The following AMBRA1 variants were observed in gnomAD, a reference collection of about 807,000 sequenced individuals.
AMBRA1 encodes autophagy and beclin 1 regulator 1.
Under a neutral mutation model 125.4 loss-of-function variants are expected in AMBRA1, and 47 were observed. The observed-to-expected ratio is 0.37, with a 90% CI of 0.30 to 0.48. The LOEUF (loss-of-function observed/expected upper bound fraction) is 0.48. Ranked by LOEUF, AMBRA1 falls within the 20% of genes least tolerant of loss-of-function variation. AMBRA1 has a pLI of 0.99. For synonymous variants in AMBRA1, 626 were observed against 655.5 expected, an observed-to-expected ratio of 0.95 and a Z score of 0.69; for missense variants, 1,331 against 1,693.4, an observed-to-expected ratio of 0.79 and a Z score of 3.76.
intron 14 of AMBRA1, among the ~76,000 whole-genome samples, chr11:46,419,023 A>C (rs1946714752): frequency 6.6e-6 from 1 of 152,176 alleles, no homozygotes. Flanking sequence ...ATCAGAGAAC[A>C]TTCTTAATTC....
chr11:46,514,488 C>T (rs1951394172), intron 7 of AMBRA1, among the ~76,000 whole-genome samples: 1 of 152,230 alleles, frequency 6.6e-6, no homozygotes, highest in Non-Finnish European at 1.5e-5. Context: ...AAATACATCT[C>T]TCTGGTTGAA....
Position 46,433,645 on chromosome 11 carries a change from CAG to C in AMBRA1, c.2822-19_2822-18del. 1.2e-6 allele frequency: 2 copies of C among 1,608,138 alleles called. No individual in the cohort carries two copies. Among genetic ancestry groups the C allele is most frequent in the Non-Finnish European group, 1.7e-6 (2 of 1,175,312 alleles). ...CATTGGGACCTGAGGGCCAACAAAA[CAG>C]AGAAATATTTCCTAGGCTTCTGGCC... On this transcript the variant is annotated intron_variant, in intron 13 of 17. Transcript: ENST00000683756.
intron 13 of AMBRA1, 55 bp downstream of exon 13, chr11:46,434,794 C>T (rs2291487): frequency 0.16 from 236,951 of 1,514,520 alleles, 19,428 homozygotes; most frequent in Middle Eastern, 0.19. Flanking sequence ...CTAGCAATGA[C>T]CATGCCAAGG....
At chr11:46,445,118 T>A (rs970983714) in intron 11 of AMBRA1, among the ~76,000 whole-genome samples, 1 of 150,808 alleles carries the variant, frequency 6.6e-6, no homozygotes, top group Admixed American at 6.6e-5. Flanking sequence ...TTTGTTCCCC[T>A]CCAAAGCATC....
chr11:46,492,241 C>G (rs547193849), intron 11 of AMBRA1, among the ~76,000 whole-genome samples: 7 of 152,296 alleles, frequency 4.6e-5, no homozygotes, highest in African/African-American at 1.7e-4. Flanking sequence ...TGGTGTCTGA[C>G]AGAGAAACCA....
intron 7 of AMBRA1, among the ~76,000 whole-genome samples, chr11:46,535,542 T>G: frequency 6.6e-6 from 1 of 152,198 alleles, no homozygotes; most frequent in East Asian, 1.9e-4. Context: ...GGAAAGAACC[T>G]TCGCATTTAA....
At chr11:46,408,021 A>G (rs1946105874) in intron 17 of AMBRA1, among the ~76,000 whole-genome samples, 2 of 152,192 alleles carry the variant, frequency 1.3e-5, no homozygotes, top group Non-Finnish European at 2.9e-5. Flanking sequence ...CACCTGAAAT[A>G]GGTGAGAGGA....
Position 46,397,343 on chromosome 11 carries a change from T to G in AMBRA1, c.*107A>C. On this transcript the variant is annotated 3_prime_UTR_variant, in exon 18 of 18. Transcript: ENST00000683756. ...CACCCTGACCCTCTTCCTCCTCCTG[T>G]TCCCTGATGCAGCCAGCAGCTCTTC... The G allele has an allele frequency of 7.3e-7, 1 of 1,375,626 alleles. No individual in the cohort carries two copies. 85.2% of individuals were successfully genotyped at this position (1,375,626 alleles called of 1,614,324 possible). A position where few individuals can be genotyped will look rare whatever the true frequency, so the allele number is the denominator to read the frequency against.
intron 17 of AMBRA1, among the ~76,000 whole-genome samples, chr11:46,405,429 G>A (rs559691214): frequency 6.6e-6 from 1 of 152,152 alleles, no homozygotes; most frequent in East Asian, 1.9e-4. Context: ...AATCAGAAAG[G>A]GCTGCCCAGC....
intron 15 of AMBRA1, among the ~76,000 whole-genome samples, chr11:46,410,874 G>A (rs138112582): frequency 5.3e-5 from 8 of 152,242 alleles, no homozygotes; most frequent in East Asian, 1.9e-4. Flanking sequence ...AGGCCGAGGC[G>A]GGCAGATCAC....
intron 7 of AMBRA1, among the ~76,000 whole-genome samples, chr11:46,537,168 T>A (rs1952515527): frequency 6.6e-6 from 1 of 152,180 alleles, no homozygotes; most frequent in Non-Finnish European, 1.5e-5. Flanking sequence ...TACCCAAAAA[T>A]AATAATTACA....
chr11:46,433,966 T>C (rs1947582306), intron 13 of AMBRA1, among the ~76,000 whole-genome samples: 1 of 151,796 alleles, frequency 6.6e-6, no homozygotes, highest in Non-Finnish European at 1.5e-5. Context: ...AAATACAAAG[T>C]TAGTCAGGCG....
At chr11:46,567,506 C>G (rs190756632) in intron 1 of AMBRA1, among the ~76,000 whole-genome samples, 14 of 152,166 alleles carry the variant, frequency 9.2e-5, no homozygotes, top group African/African-American at 2.4e-4. Context: ...GCTGGGAGTA[C>G]ATGCAGGCAC....
chr11:46,515,696 G>C (rs575256997), intron 7 of AMBRA1, among the ~76,000 whole-genome samples: 1 of 151,898 alleles, frequency 6.6e-6, no homozygotes, highest in African/African-American at 2.4e-5. Flanking sequence ...TATTTTTTGA[G>C]ACGCAGTCTC....
At position 46,512,814 on chromosome 11, in the gene AMBRA1, C is replaced by T; in HGVS notation, c.2073-1G>A. The T allele has an allele frequency of 6.2e-7, 1 of 1,609,470 alleles. No homozygotes were observed. Among genetic ancestry groups the T allele is most frequent in the Non-Finnish European group, 8.5e-7 (1 of 1,177,744 alleles). On this transcript the variant is annotated splice_acceptor_variant, in intron 7 of 17. Transcript: ENST00000683756. LOFTEE classifies it high-confidence loss of function. ...AATGAGGGAAGATTCCAGCAGCCTC[C>T]TAGCAGAGATTAAAAAAATGGCAAT...
chr11:46,451,961 AG>A (rs1948619814), intron 11 of AMBRA1: 1 of 151,972 alleles, frequency 6.6e-6, no homozygotes. Flanking sequence ...AGAGAGGGAA[AG>A]GGGAAGTGAC....
At chr11:46,560,866 A>G (rs2135237673) in intron 1 of AMBRA1, among the ~76,000 whole-genome samples, 1 of 152,320 alleles carries the variant, frequency 6.6e-6, no homozygotes, top group South Asian at 2.1e-4. Context: ...TAACCCCAGA[A>G]ACGGAAACTG....
chr11:46,470,094 T>C (rs1295164262), intron 11 of AMBRA1, among the ~76,000 whole-genome samples: 1 of 152,190 alleles, frequency 6.6e-6, no homozygotes, highest in Non-Finnish European at 1.5e-5. Context: ...AGACTTGTAT[T>C]ATCTTCCTTA....
At chr11:46,428,444 A>G (rs1947266310) in intron 14 of AMBRA1, among the ~76,000 whole-genome samples, 1 of 152,184 alleles carries the variant, frequency 6.6e-6, no homozygotes, top group Non-Finnish European at 1.5e-5. Context: ...ACCCAAGTCA[A>G]ATGAAGGTGT....
Sources: gnomAD v4.1 joint callset for allele counts (sites outside exome capture counted in the v4.1 genomes callset) on GRCh38, gnomAD v4.1.1 for gene constraint, MANE v1.5 for transcripts, NCBI Gene and HGNC (gene_info 2026-07-23, HGNC 2026-07-21) for gene names.